Variants in B3GALT5 observed in about 807,000 individuals in gnomAD.
B3GALT5 encodes the protein UDP-Gal:betaGlcNAc beta 1,3-galactosyltransferase, polypeptide 5.
For missense variants in B3GALT5, 328 were observed against 396.6 expected, an observed-to-expected ratio of 0.83 and a Z score of 1.47; for synonymous variants, 156 against 158.6, an observed-to-expected ratio of 0.98 and a Z score of 0.12.
chr21:39,613,350 C>G (rs1208515888), intron 1 of B3GALT5, among the ~76,000 whole-genome samples: 1 of 152,182 alleles, frequency 6.6e-6, no homozygotes, highest in East Asian at 1.9e-4. Flanking sequence ...TGGGTGGGCA[C>G]GGTGCGGACA....
In B3GALT5 at chr21:39,668,844, A is replaced by G. The variant is rs548039206; in HGVS notation, c.*7352A>G. The G allele has an allele frequency of 6.6e-6, 1 of 152,356 alleles. No homozygotes were observed. The highest frequency in any genetic ancestry group is 2.1e-4 in the South Asian group (1 of 4,828). The allele number at this position is 152,356 out of a possible 1,614,324, so 9.4% of individuals were successfully genotyped here. A position where few individuals can be genotyped will look rare whatever the true frequency, so the allele number is the denominator to read the frequency against. Reference sequence around the variant, plus strand: ...TTTGTTATCTGAAGAATGGGACCATAGTAGTTCCCGCCTCATGGGATGATC... The same window carrying G: ...TTTGTTATCTGAAGAATGGGACCATGGTAGTTCCCGCCTCATGGGATGATC... On this transcript the variant is annotated 3_prime_UTR_variant, in exon 4 of 4. Coordinates refer to ENST00000684187, the MANE Select transcript of B3GALT5 (RefSeq NM_001356336.2).
At chr21:39,631,793 A>G (rs2079193400) in intron 1 of B3GALT5, among the ~76,000 whole-genome samples, 1 of 152,224 alleles carries the variant, frequency 6.6e-6, no homozygotes. Context: ...ATATGAAGGT[A>G]TGCACGAGGA....
intron 1 of B3GALT5, among the ~76,000 whole-genome samples, chr21:39,618,591 C>T (rs543862577): frequency 1.4e-4 from 22 of 152,250 alleles, no homozygotes; most frequent in African/African-American, 5.1e-4. Flanking sequence ...TTTGGATTTC[C>T]TCTTCTGTGA....
In B3GALT5 at chr21:39,661,452, C is replaced by T. The variant is rs1230226491; in HGVS notation, c.893C>T (p.Ala298Val). ...KPRTLLDYWQ[A>V]LENSRGEDCP... is the part of the protein sequence containing the mutation. The stretch of plus-strand genomic sequence containing the variant: ...CGGACTCTCTTGGACTACTGGCAGG[C>T]TCTAGAGAATTCCCGGGGGGAAGAT... Residue 298 changes from alanine to valine, a missense_variant, in exon 4 of 4, where the codon GCT becomes GTT. Physicochemically the swap from Ala to Val is moderately conservative, Grantham distance 64. Coordinates refer to ENST00000684187, the MANE Select transcript of B3GALT5 (RefSeq NM_001356336.2). This position sits in a 1 kb window ranked among gnomAD's most constrained non-coding sequence, Gnocchi z 4.7. The T allele has an allele frequency of 6.6e-7, 1 of 1,516,284 alleles. No homozygotes were observed. The highest frequency in any genetic ancestry group is 8.8e-7 in the Non-Finnish European group (1 of 1,133,884). The allele number at this position is 1,516,284 out of a possible 1,614,324, so 93.9% of individuals were successfully genotyped here.
chr21:39,631,773 C>T (rs559191874), intron 1 of B3GALT5, among the ~76,000 whole-genome samples: 99 of 152,244 alleles, frequency 6.5e-4, no homozygotes, highest in African/African-American at 2.0e-3. Context: ...AACTAGAATA[C>T]GGCAGAGCTA....
At chr21:39,653,736 A>G (rs1017626461) in intron 2 of B3GALT5, among the ~76,000 whole-genome samples, 4 of 152,202 alleles carry the variant, frequency 2.6e-5, no homozygotes, top group Non-Finnish European at 5.9e-5. Flanking sequence ...CAGTGGGCAT[A>G]GCTGTGCCCT....
intron 1 of B3GALT5, among the ~76,000 whole-genome samples, chr21:39,639,418 T>A (rs200517488): frequency 9.0e-6 from 1 of 111,104 alleles, no homozygotes; most frequent in Non-Finnish European, 1.9e-5. Context: ...CTTTCTTTCT[T>A]TCTTTCTTTC....
chr21:39,643,961 G>T (rs1236923963), intron 1 of B3GALT5, among the ~76,000 whole-genome samples: 1 of 152,196 alleles, frequency 6.6e-6, no homozygotes, highest in Non-Finnish European at 1.5e-5. Flanking sequence ...ACCAAAGAAA[G>T]TCTCAATCAT....
intron 1 of B3GALT5, among the ~76,000 whole-genome samples, chr21:39,626,383 T>C (rs1340983667): frequency 2.0e-5 from 3 of 152,234 alleles, no homozygotes; most frequent in African/African-American, 7.2e-5. Context: ...AATGCCACTA[T>C]GAATATGGTT....
chr21:39,660,830 C>A lies in B3GALT5; in HGVS notation c.271C>A (p.Leu91Met), dbSNP rs2079509341. 2 of 1,606,668 alleles carry A rather than the reference C, an allele frequency of 1.2e-6. No homozygotes were observed. The highest frequency in any genetic ancestry group is 1.7e-6 in the Non-Finnish European group (2 of 1,176,510). ...GKERMVKGKQ[L>M]KTFFLLGTTS... ...AGAGAGGATGGTGAAGGGAAAGCAGCTGAAGACATTCTTCCTCCTGGGGAC... is the reference window on the plus strand; with the variant it reads ...AGAGAGGATGGTGAAGGGAAAGCAGATGAAGACATTCTTCCTCCTGGGGAC... The change falls in exon 4 of 4, where the codon CTG becomes ATG. Residue 91 changes from leucine to methionine, a missense_variant. By Grantham distance (15) the Leu-to-Met change is conservative. Transcript: ENST00000684187.
Position 39,672,758 on chromosome 21 carries a change from TTA to T in B3GALT5, c.*11270_*11271del, listed in dbSNP as rs2079641746. 6.6e-6 allele frequency: 1 copy of T among 152,236 alleles called. No individual in the cohort carries two copies. Among genetic ancestry groups the T allele is most frequent in the Admixed American group, 6.5e-5 (1 of 15,284 alleles). The allele number at this position is 152,236 out of a possible 1,614,324, so 9.4% of individuals were successfully genotyped here. ...AATATTTTTACAATTTATTTTGATTTTATATGTGTAGAAAAATGTACTGAACA... is the reference window on the plus strand; with the variant it reads ...AATATTTTTACAATTTATTTTGATTTTATGTGTAGAAAAATGTACTGAACA... On this transcript the variant is annotated 3_prime_UTR_variant, in exon 4 of 4. Coordinates refer to ENST00000684187, the MANE Select transcript of B3GALT5 (RefSeq NM_001356336.2).
chr21:39,617,280 T>C (rs2079111746), intron 1 of B3GALT5, among the ~76,000 whole-genome samples: 1 of 152,248 alleles, frequency 6.6e-6, no homozygotes, highest in Admixed American at 6.5e-5. Context: ...TCAATATTTA[T>C]CCATGTTGAG....
chr21:39,618,092 A>G (rs1324233154), intron 1 of B3GALT5, among the ~76,000 whole-genome samples: 4 of 152,098 alleles, frequency 2.6e-5, no homozygotes, highest in Admixed American at 2.6e-4. Context: ...GAGTTTGGGG[A>G]TGCAGTGAGC....
chr21:39,633,709 A>G (rs763297564), intron 1 of B3GALT5, among the ~76,000 whole-genome samples: 7 of 152,186 alleles, frequency 4.6e-5, no homozygotes, highest in Non-Finnish European at 1.0e-4. Flanking sequence ...TCTAGAACCA[A>G]TGTTCAGATT....
At chr21:39,634,301 G>A (rs2079211294) in intron 1 of B3GALT5, among the ~76,000 whole-genome samples, 1 of 152,162 alleles carries the variant, frequency 6.6e-6, no homozygotes, top group African/African-American at 2.4e-5. Context: ...TTCCAGAATA[G>A]GGTGGGAGGG....
chr21:39,650,183 A>C (rs1185357064), intron 2 of B3GALT5, among the ~76,000 whole-genome samples: 5 of 152,202 alleles, frequency 3.3e-5, no homozygotes, highest in African/African-American at 1.2e-4. Context: ...ACAAAATAAA[A>C]TAAATACAGG....
chr21:39,618,788 T>C (rs2079120036), intron 1 of B3GALT5, among the ~76,000 whole-genome samples: 1 of 152,188 alleles, frequency 6.6e-6, no homozygotes, highest in African/African-American at 2.4e-5. Context: ...TTTGGTGAAA[T>C]TTACCACTTT....
intron 1 of B3GALT5, among the ~76,000 whole-genome samples, chr21:39,634,191 C>G (rs1173321307): frequency 2.0e-5 from 3 of 152,134 alleles, no homozygotes; most frequent in Non-Finnish European, 4.4e-5. Flanking sequence ...ACTAATGGGT[C>G]ATGATGCAGA....
chr21:39,656,288 C>A (rs922420431), intron 2 of B3GALT5, among the ~76,000 whole-genome samples: 2 of 152,146 alleles, frequency 1.3e-5, no homozygotes, highest in Non-Finnish European at 2.9e-5. Context: ...GTGAGAATCT[C>A]CAAGGATACA....
Sources: gnomAD v4.1 joint callset for allele counts (sites outside exome capture counted in the v4.1 genomes callset) on GRCh38, gnomAD v4.1.1 for gene constraint, Gnocchi (gnomAD v3.1) non-coding constraint, MANE v1.5 for transcripts, NCBI Gene and HGNC (gene_info 2026-07-23, HGNC 2026-07-21) for gene names.